Variants in ARHGAP31 observed in about 807,000 individuals in gnomAD.
The protein encoded by ARHGAP31 is Rho GTPase activating protein 31.
ARHGAP31 carries 34 observed loss-of-function variants against 113.9 expected under a neutral mutation model. That is an observed-to-expected ratio of 0.30 (90% CI 0.23 to 0.40). The LOEUF is 0.40. Ranked by LOEUF, ARHGAP31 falls within the 10% of genes least tolerant of loss-of-function variation. The pLI is 1.00. For synonymous variants in ARHGAP31, 650 were observed against 684.8 expected, an observed-to-expected ratio of 0.95 and a Z score of 0.79; for missense variants, 1,548 against 1,767.1, an observed-to-expected ratio of 0.88 and a Z score of 2.22.
intron 1 of ARHGAP31, among the ~76,000 whole-genome samples, chr3:119,306,599 T>C (rs1446689106): frequency 1.3e-5 from 2 of 152,170 alleles, no homozygotes; most frequent in Non-Finnish European, 2.9e-5. Flanking sequence ...GGTTGTGTAA[T>C]GTCTGGGTCG....
At chr3:119,312,592 TAATAA>T (rs1466864726) in intron 1 of ARHGAP31, among the ~76,000 whole-genome samples, 7 of 152,112 alleles carry the variant, frequency 4.6e-5, no homozygotes, top group Admixed American at 1.3e-4. Context: ...ATTACAAAAA[TAATAA>T]AATAAAATAA....
At chr3:119,320,089 A>G (rs2079768749) in intron 1 of ARHGAP31, among the ~76,000 whole-genome samples, 1 of 152,250 alleles carries the variant, frequency 6.6e-6, no homozygotes, top group African/African-American at 2.4e-5. Context: ...TTTGCCTTTT[A>G]TCATAACACA....
intron 1 of ARHGAP31, among the ~76,000 whole-genome samples, chr3:119,363,064 C>T (rs917445356): frequency 6.6e-6 from 1 of 152,058 alleles, no homozygotes; most frequent in Non-Finnish European, 1.5e-5. Context: ...GAAACAGAAC[C>T]CTTGTATATT....
intron 1 of ARHGAP31, among the ~76,000 whole-genome samples, chr3:119,349,921 A>G (rs76274970): frequency 0.018 from 2,785 of 152,274 alleles, 51 homozygotes; most frequent in East Asian, 0.06. Flanking sequence ...TCATCTATTC[A>G]AGCCCTGAGT....
chr3:119,345,355 A>G (rs2080047311), intron 1 of ARHGAP31, among the ~76,000 whole-genome samples: 1 of 152,140 alleles, frequency 6.6e-6, no homozygotes. Context: ...CCGTAACTAC[A>G]CAGAGCAGCA....
At chr3:119,360,194 G>C (rs2080193811) in intron 1 of ARHGAP31, among the ~76,000 whole-genome samples, 1 of 152,154 alleles carries the variant, frequency 6.6e-6, no homozygotes. Context: ...ACCCAGCCGA[G>C]TGTCTTTGAG....
At chr3:119,398,380 G>T (rs940392731) in intron 8 of ARHGAP31, among the ~76,000 whole-genome samples, 3 of 152,332 alleles carry the variant, frequency 2.0e-5, no homozygotes, top group Non-Finnish European at 4.4e-5. Flanking sequence ...TCTGAATTCA[G>T]AGTTACCTTA....
intron 1 of ARHGAP31, among the ~76,000 whole-genome samples, chr3:119,359,737 G>A (rs2080189403): frequency 6.6e-6 from 1 of 152,140 alleles, no homozygotes; most frequent in South Asian, 2.1e-4. Context: ...GGATTCTGGG[G>A]GGGAAACGCC....
In ARHGAP31 at chr3:119,414,828, C is replaced by T; in HGVS notation, c.2899C>T (p.Leu967Phe). ...ACCCACGGTTAAAAGCCAGTGGACTCTCGAGGTTCCCTCCTCCAGCAGCTG... is the reference window on the plus strand; with the variant it reads ...ACCCACGGTTAAAAGCCAGTGGACTTTCGAGGTTCCCTCCTCCAGCAGCTG... ...SKPTVKSQWT[L>F]EVPSSSSCAN... is the part of the protein sequence containing the mutation. The change falls in exon 12 of 12, where the codon CTC (leucine) becomes TTC (phenylalanine). Residue 967 changes from leucine (L) to phenylalanine (F), a missense_variant. Transcript: ENST00000264245. 6.2e-7 allele frequency: 1 copy of T among 1,614,246 alleles called. No individual in the cohort carries two copies. Among genetic ancestry groups the T allele is most frequent in the East Asian group, 2.2e-5 (1 of 44,876 alleles).
chr3:119,347,527 A>G (rs2080070733), intron 1 of ARHGAP31, among the ~76,000 whole-genome samples: 1 of 152,162 alleles, frequency 6.6e-6, no homozygotes, highest in African/African-American at 2.4e-5. Context: ...TTCTGTCTCT[A>G]CATGATCCTG....
chr3:119,325,515 C>T (rs76801235), intron 1 of ARHGAP31, among the ~76,000 whole-genome samples: 1,527 of 152,316 alleles, frequency 0.01, 23 homozygotes, highest in African/African-American at 0.035. Context: ...TCTTCCCACT[C>T]ACACTGTTGC....
intron 1 of ARHGAP31, among the ~76,000 whole-genome samples, chr3:119,347,625 T>G (rs1207347486): frequency 6.6e-6 from 1 of 152,198 alleles, no homozygotes; most frequent in Non-Finnish European, 1.5e-5. Context: ...AGTCTCCATT[T>G]GAACCCTCTT....
chr3:119,337,047 C>G lies in ARHGAP31; in HGVS notation c.101-28269C>G, dbSNP rs191064591. On this transcript the variant is annotated intron_variant, in intron 1 of 11. Coordinates refer to ENST00000264245, the MANE Select transcript of ARHGAP31 (RefSeq NM_020754.4). ...ATGGATATACCACAGTTTATCCATT[C>G]ATCAGTTGATGGACATTTGAATTGT... Among the ~76,000 whole-genome samples the G allele has an allele frequency of 1.8e-4, 28 of 152,316 alleles. 1 individual carries two copies. Among genetic ancestry groups the G allele is most frequent in the African/African-American group, 6.3e-4 (26 of 41,576 alleles).
Position 119,361,952 on chromosome 3 carries a change from T to C in ARHGAP31, c.101-3364T>C, listed in dbSNP as rs548761825. On this transcript the variant is annotated intron_variant, in intron 1 of 11. Transcript: ENST00000264245. ...GGGTTGTTTTAACATTGCCTCCCAC[T>C]TAAACAAAGCCATGGACAATAGGTT... 2.6e-5 allele frequency among the ~76,000 whole-genome samples: 4 copies of C among 152,346 alleles called. No homozygotes were observed. The East Asian group carries it at 5.8e-4, about 22-fold the overall frequency.
At chr3:119,364,227 G>A (rs2080234373) in intron 1 of ARHGAP31, among the ~76,000 whole-genome samples, 1 of 140,302 alleles carries the variant, frequency 7.1e-6, no homozygotes, top group South Asian at 2.5e-4. Context: ...ATGGTTGGGG[G>A]TGGGGGGATG....
chr3:119,362,386 C>T (rs899972174), intron 1 of ARHGAP31, among the ~76,000 whole-genome samples: 1 of 152,182 alleles, frequency 6.6e-6, no homozygotes, highest in Non-Finnish European at 1.5e-5. Context: ...AAAGATATTC[C>T]TACATGCACA....
chr3:119,409,827 A>G lies in ARHGAP31; in HGVS notation c.1926+51A>G. 3.9e-6 allele frequency: 6 copies of G among 1,524,206 alleles called. No homozygotes were observed. In the South Asian group the frequency reaches 5.0e-5, roughly 13 times the overall value. The allele number at this position is 1,524,206 out of a possible 1,614,324, so 94.4% of individuals were successfully genotyped here. ...AGCCAGGTGGAGTTATTTTTTCCCA[A>G]GGGCTCTTGGTACAATTTAAAGTAA... On this transcript the variant is annotated intron_variant, in intron 11 of 11. Transcript: ENST00000264245.
intron 1 of ARHGAP31, among the ~76,000 whole-genome samples, chr3:119,320,317 C>T (rs2079771492): frequency 6.6e-6 from 1 of 152,174 alleles, no homozygotes; most frequent in South Asian, 2.1e-4. Flanking sequence ...TGATATTCTT[C>T]CTTCCCTCCC....
At chr3:119,325,936 A>G (rs1054594610) in intron 1 of ARHGAP31, among the ~76,000 whole-genome samples, 1 of 152,220 alleles carries the variant, frequency 6.6e-6, no homozygotes, top group African/African-American at 2.4e-5. Flanking sequence ...CACGCCTGTA[A>G]TCCCAGCATT....
Sources: gnomAD v4.1 joint callset for allele counts (sites outside exome capture counted in the v4.1 genomes callset) on GRCh38, gnomAD v4.1.1 for gene constraint, MANE v1.5 for transcripts, NCBI Gene and HGNC (gene_info 2026-07-23, HGNC 2026-07-21) for gene names.